Variants in FRAS1 observed in about 807,000 individuals in gnomAD.
FRAS1 encodes extracellular matrix organizing protein FRAS1.
FRAS1 carries 290 observed loss-of-function variants against 435.2 expected under a neutral mutation model. That is an observed-to-expected ratio of 0.67 (90% confidence interval 0.61 to 0.73). The LOEUF is 0.73. FRAS1 is among the 30% of genes least tolerant of loss of function. The probability of loss-of-function intolerance (pLI) is 0.00; values close to 1 mark genes in which losing one functional copy is unlikely to be tolerated. For missense variants in FRAS1, 4,860 were observed against 5,001.5 expected, an observed-to-expected ratio of 0.97 and a Z score of 0.85; for synonymous variants, 1,800 against 1,851.0, an observed-to-expected ratio of 0.97 and a Z score of 0.71.
chr4:78,313,712 C>T (rs1729126942), intron 15 of FRAS1, among the ~76,000 whole-genome samples: 1 of 151,364 alleles, frequency 6.6e-6, no homozygotes, highest in Non-Finnish European at 1.5e-5. Flanking sequence ...ATCATTCAAA[C>T]TTTTCTTTTT....
chr4:78,446,015 CTA>C, intron 42 of FRAS1: 1 of 1,235,060 alleles, frequency 8.1e-7, no homozygotes. Context: ...TTACATATGT[CTA>C]TGTTTCTCTG....
intron 26 of FRAS1, among the ~76,000 whole-genome samples, chr4:78,377,940 A>G (rs1201059291): frequency 6.6e-6 from 1 of 151,630 alleles, no homozygotes; most frequent in African/African-American, 2.4e-5. Flanking sequence ...TACATACCAT[A>G]AAATTCATGC....
At chr4:78,119,276 G>A (rs1038842724) in intron 2 of FRAS1, among the ~76,000 whole-genome samples, 2 of 152,082 alleles carry the variant, frequency 1.3e-5, no homozygotes, top group African/African-American at 2.4e-5. Flanking sequence ...GCATGCTAGA[G>A]CTTCCTCCTC....
chr4:78,426,129 T>G (rs1253887183), intron 35 of FRAS1, among the ~76,000 whole-genome samples: 3 of 152,156 alleles, frequency 2.0e-5, no homozygotes, highest in Non-Finnish European at 4.4e-5. Flanking sequence ...CCACAGCAGG[T>G]AGACAGTAGA....
chr4:78,276,944 G>C (rs540141308), intron 9 of FRAS1, among the ~76,000 whole-genome samples: 1 of 152,268 alleles, frequency 6.6e-6, no homozygotes, highest in South Asian at 2.1e-4. Flanking sequence ...AGGCCTCCTT[G>C]AGCTGCAGTG....
rs772169344 is a variant in FRAS1 at position 78,473,484 on chromosome 4, G to T, written c.7569G>T (p.Lys2523Asn). Residue 2523 changes from lysine (K) to asparagine (N), a missense_variant, in exon 53 of 74, where the codon AAG (lysine) becomes AAT (asparagine). Transcript: ENST00000512123. ...TTCGTTATGTGTTGCACAAGGAGAA[G>T]ATCCGTGAGATGATGGATAGTTTTC... ...GLIRYVLHKE[K>N]IREMMDSFQF... The T allele has an allele frequency of 2.5e-6, 4 of 1,613,582 alleles. No individual in the cohort carries two copies. The Admixed American group carries it at 6.7e-5, about 27-fold the overall frequency.
chr4:78,422,673 G>A (rs1733836265), intron 34 of FRAS1, among the ~76,000 whole-genome samples: 1 of 152,184 alleles, frequency 6.6e-6, no homozygotes, highest in African/African-American at 2.4e-5. Flanking sequence ...ACAGACCCTC[G>A]AAGCCTGTAA....
intron 2 of FRAS1, among the ~76,000 whole-genome samples, chr4:78,146,899 A>G (rs1180876873): frequency 3.3e-5 from 5 of 152,048 alleles, no homozygotes; most frequent in African/African-American, 4.8e-5. Flanking sequence ...TTAGTTTTCT[A>G]TGTGTTTTCA....
Position 78,134,991 on chromosome 4 carries a change from C to G in FRAS1, c.108+68975C>G, listed in dbSNP as rs543414650. ...TATTTTTTTAAAATCCGAATCCTGA[C>G]AGTCTCAAAGGACAATTGCATGCTG... On this transcript the variant is annotated intron_variant, in intron 2 of 73. Coordinates refer to ENST00000512123, the MANE Select transcript of FRAS1 (RefSeq NM_025074.7). Among the ~76,000 whole-genome samples, 67 of 152,244 alleles carry G rather than the reference C, an allele frequency of 4.4e-4. 1 individual carries two copies. In the South Asian group the frequency reaches 0.011, roughly 25 times the overall value.
intron 62 of FRAS1, 83 bp downstream of exon 62, chr4:78,507,691 T>C: frequency 1.5e-6 from 2 of 1,339,342 alleles, no homozygotes; most frequent in East Asian, 2.7e-5. Flanking sequence ...TCTATTTCTT[T>C]ATTCTTCTAA....
At position 78,363,553 on chromosome 4, in the gene FRAS1, C is replaced by T. The variant is rs1200967190; in HGVS notation, c.2463C>T (p.His821=). 3.1e-6 allele frequency: 5 copies of T among 1,613,520 alleles called. No homozygotes were observed. The highest frequency in any genetic ancestry group is 4.2e-6 in the Non-Finnish European group (5 of 1,179,712). The change falls in exon 21 of 74, where the codon CAC becomes CAT. Residue 821 remains histidine, a synonymous_variant. Coordinates refer to ENST00000512123, the MANE Select transcript of FRAS1 (RefSeq NM_025074.7). ...GCCAGCACTGTGCAGCTGATCTCCA[C>T]AACACTGGGAGCATCTGCCTCAGGT... ...HLCQHCAADL[H]NTGSICLRCQ...
chr4:78,184,443 G>A (rs939528263), intron 2 of FRAS1, among the ~76,000 whole-genome samples: 5 of 152,084 alleles, frequency 3.3e-5, no homozygotes, highest in African/African-American at 7.2e-5. Flanking sequence ...ATTTAAACTT[G>A]TAAAAACTGT....
Position 78,475,509 on chromosome 4 carries a change from C to T in FRAS1, c.7754C>T (p.Ala2585Val). The change falls in exon 54 of 74, where the codon GCC becomes GTC. Residue 2585 changes from alanine to valine, a missense_variant. By Grantham distance (64) the Ala-to-Val change is moderately conservative. Coordinates refer to ENST00000512123, the MANE Select transcript of FRAS1 (RefSeq NM_025074.7). ...VQRTGNLNQY[A>V]IVLCRTEQGT... ...AGGACTGGGAACCTGAACCAATATG[C>T]CATCGTCCTGTGTCGCACCGAGCAA... 15 of 1,613,908 alleles carry T rather than the reference C, an allele frequency of 9.3e-6. No homozygotes were observed. Among genetic ancestry groups the T allele is most frequent in the Non-Finnish European group, 1.3e-5 (15 of 1,179,832 alleles).
In FRAS1 at chr4:78,146,139, A is replaced by G. The variant is rs574372024; in HGVS notation, c.108+80123A>G. ...TACTGTTTTTTTAATTGCTATGTTC[A>G]TCTTTTTAAATCAAAGGAATAATGT... On this transcript the variant is annotated intron_variant, in intron 2 of 73. Coordinates refer to ENST00000512123, the MANE Select transcript of FRAS1 (RefSeq NM_025074.7). Among the ~76,000 whole-genome samples the G allele has an allele frequency of 3.3e-5, 5 of 152,302 alleles. No homozygotes were observed. In the East Asian group the frequency reaches 5.8e-4, roughly 18 times the overall value.
At chr4:78,475,633 G>A (rs932880682) in intron 54 of FRAS1, 27 bp downstream of exon 54, 1 of 1,509,934 alleles carries the variant, frequency 6.6e-7, no homozygotes, top group African/African-American at 1.4e-5. Flanking sequence ...GGTTGGGGGA[G>A]GCTCCAGCAA....
intron 54 of FRAS1, 71 bp from the exon 55 acceptor site, chr4:78,477,744 T>C: frequency 1.3e-6 from 2 of 1,542,640 alleles, no homozygotes; most frequent in Non-Finnish European, 8.8e-7. Context: ...TCTTTTCCTA[T>C]GATGCCCTGG....
At chr4:78,354,246 C>G (rs1219484600) in intron 20 of FRAS1, among the ~76,000 whole-genome samples, 1 of 152,206 alleles carries the variant, frequency 6.6e-6, no homozygotes, top group Non-Finnish European at 1.5e-5. Context: ...GTAGAAATCA[C>G]TGCCCTATAA....
intron 2 of FRAS1, among the ~76,000 whole-genome samples, chr4:78,098,431 C>T (rs867953378): frequency 6.6e-6 from 1 of 152,006 alleles, no homozygotes; most frequent in Non-Finnish European, 1.5e-5. Flanking sequence ...CACACCACTA[C>T]AGCTGGCTAA....
At chr4:78,308,039 C>T in intron 14 of FRAS1, 27 bp from the exon 15 acceptor site, 2 of 1,574,316 alleles carry the variant, frequency 1.3e-6, no homozygotes, top group Non-Finnish European at 1.7e-6. Context: ...CCGTAGATTA[C>T]TCACTGATTT....
Sources: gnomAD v4.1 joint callset for allele counts (sites outside exome capture counted in the v4.1 genomes callset) on GRCh38, gnomAD v4.1.1 for gene constraint, MANE v1.5 for transcripts, NCBI Gene and HGNC (gene_info 2026-07-23, HGNC 2026-07-21) for gene names.